CES5A: variants seen among roughly 807,000 people sequenced by gnomAD.
The protein encoded by CES5A is carboxylesterase 5A.
A neutral mutation model predicts 62.9 loss-of-function variants in CES5A; 67 were observed. That is an observed-to-expected ratio of 1.07 (90% CI 0.88 to 1.31). The LOEUF is 1.31. Among genes scored for constraint, CES5A ranks in the 50% most tolerant of loss-of-function variants. The pLI is 0.00. For synonymous variants in CES5A, 296 were observed against 280.8 expected (o/e 1.05, Z -0.54); for missense variants, 748 against 708.5 (o/e 1.06, Z -0.63).
rs1241615771 is a variant in CES5A, at chr16:55,846,182, A to G, written c.*269T>C. 3 of 495,424 alleles carry G rather than the reference A, an allele frequency of 6.1e-6. No individual in the cohort carries two copies. Among genetic ancestry groups the G allele is most frequent in the Non-Finnish European group, 1.1e-5 (3 of 278,468 alleles). 30.7% of individuals were successfully genotyped at this position (495,424 alleles called of 1,614,324 possible). ...ATTTTACATTCTGATTTTATTTCATATGAGTTACAAAACCATTATTATGAC... is the reference window on the plus strand; with the variant it reads ...ATTTTACATTCTGATTTTATTTCATGTGAGTTACAAAACCATTATTATGAC... On this transcript the variant is annotated 3_prime_UTR_variant, in exon 13 of 13. Coordinates refer to ENST00000290567, the MANE Select transcript of CES5A (RefSeq NM_001143685.2).
At chr16:55,846,707 G>A in intron 12 of CES5A, 25 bp from the exon 13 acceptor site, 1 of 1,613,310 alleles carries the variant, frequency 6.2e-7, no homozygotes, top group Non-Finnish European at 8.5e-7. Flanking sequence ...AGAAACAGGG[G>A]TGAGATTTTC....
chr16:55,941,281 C>T (rs564625634), intron 2 of CES5A, among the ~76,000 whole-genome samples: 1 of 152,170 alleles, frequency 6.6e-6, no homozygotes, highest in African/African-American at 2.4e-5. Context: ...AAAACTAATA[C>T]CTGAGTTTAG....
At chr16:55,908,310 G>T (rs559121170) in intron 1 of CES5A, among the ~76,000 whole-genome samples, 3 of 152,156 alleles carry the variant, frequency 2.0e-5, no homozygotes, top group African/African-American at 7.2e-5. Flanking sequence ...CCCACTGCAG[G>T]CTTCTTGTCC....
chr16:55,870,170 T>C (rs1423049211), intron 3 of CES5A, among the ~76,000 whole-genome samples: 14 of 152,070 alleles, frequency 9.2e-5, no homozygotes, highest in African/African-American at 3.4e-4. Flanking sequence ...CACGGGAAGA[T>C]GGAAACCATT....
intron 1 of CES5A, among the ~76,000 whole-genome samples, chr16:55,886,960 A>G (rs1389062184): frequency 1.3e-5 from 2 of 152,134 alleles, no homozygotes; most frequent in Admixed American, 6.5e-5. Flanking sequence ...TGGTCCTACC[A>G]TATGCTGCAT....
intron 1 of CES5A, 86 bp from the exon 2 acceptor site, chr16:55,874,123 T>A: frequency 1.7e-6 from 2 of 1,197,858 alleles, no homozygotes; most frequent in South Asian, 2.7e-5. Flanking sequence ...CCAGTGGGGA[T>A]GTGCTTCCTT....
intron 1 of CES5A, among the ~76,000 whole-genome samples, chr16:55,896,986 T>C (rs766431100): frequency 1.1e-4 from 17 of 152,208 alleles, no homozygotes; most frequent in African/African-American, 4.1e-4. Context: ...TTCACAAATG[T>C]AGATTTTCTG....
chr16:55,869,492 G>A, intron 4 of CES5A, 119 bp downstream of exon 4: 1 of 1,380,076 alleles, frequency 7.2e-7, no homozygotes, highest in Non-Finnish European at 9.5e-7. Flanking sequence ...AGTAATTAGG[G>A]CCAGTTTTGT....
chr16:55,866,512 A>C (rs1261524975), intron 4 of CES5A, among the ~76,000 whole-genome samples: 1 of 151,936 alleles, frequency 6.6e-6, no homozygotes, highest in Non-Finnish European at 1.5e-5. Context: ...ATGAAACTAA[A>C]TTAATAGTAG....
intron 9 of CES5A, 55 bp downstream of exon 9, chr16:55,856,322 G>T (rs2033241945): frequency 1.3e-6 from 2 of 1,528,222 alleles, no homozygotes; most frequent in African/African-American, 1.4e-5. Context: ...GTGACCTAGG[G>T]CTATCTGTTA....
Position 55,910,548 on chromosome 16 carries a change from G to A in CES5A, c.-256+14775C>T, listed in dbSNP as rs111475872. The stretch of plus-strand genomic sequence containing the variant: ...GCTGCTGCTTCTTAGCATTAACCTC[G>A]TCTCCTCAATCACAACGTAAACTCC... On this transcript the variant is annotated intron_variant, in intron 1 of 12. Coordinates refer to the CES5A transcript ENST00000518005. Among the ~76,000 whole-genome samples the A allele has an allele frequency of 5.9e-3, 893 of 152,256 alleles. 2 individuals carry two copies. The highest frequency in any genetic ancestry group is 0.01 in the Middle Eastern group (3 of 294).
At chr16:55,877,522 C>T (rs1224320628), upstream of CES5A, among the ~76,000 whole-genome samples, 1 of 151,692 alleles carries the variant, frequency 6.6e-6, no homozygotes. Context: ...TACTCTTCCA[C>T]AAAATCAGAA....
rs117155912 is a variant in CES5A, at chr16:55,869,410, A to G, written c.551+201T>C. 2.4e-3 allele frequency: 2,436 copies of G among 1,015,656 alleles called. 67 individuals are homozygous for G. In the South Asian group the frequency reaches 0.031, roughly 13 times the overall value. The allele number at this position is 1,015,656 out of a possible 1,614,324, so 62.9% of individuals were successfully genotyped here. On this transcript the variant is annotated intron_variant, in intron 4 of 12. Coordinates refer to ENST00000290567, the MANE Select transcript of CES5A (RefSeq NM_001143685.2). ...TGCTCAATTAAACTTTACCCAAGTGAGAAAGAGATTTTTATTGTTTCAAGC... is the reference window on the plus strand; with the variant it reads ...TGCTCAATTAAACTTTACCCAAGTGGGAAAGAGATTTTTATTGTTTCAAGC...
chr16:55,904,478 C>T (rs1366191783), intron 1 of CES5A, among the ~76,000 whole-genome samples: 1 of 152,182 alleles, frequency 6.6e-6, no homozygotes, highest in South Asian at 2.1e-4. Context: ...AAGCCACCAA[C>T]TATAGATTCA....
chr16:55,922,653 A>G (rs563844757), intron 1 of CES5A, among the ~76,000 whole-genome samples: 54 of 152,078 alleles, frequency 3.6e-4, no homozygotes, highest in Non-Finnish European at 6.2e-4. Flanking sequence ...ACAGAAAATC[A>G]GCAAACACTG....
intron 1 of CES5A, among the ~76,000 whole-genome samples, chr16:55,883,413 A>G (rs1159060405): frequency 6.6e-5 from 10 of 152,164 alleles, no homozygotes; most frequent in Admixed American, 4.6e-4. Flanking sequence ...CTGGGATTAC[A>G]GGCATGCACC....
intron 1 of CES5A, among the ~76,000 whole-genome samples, chr16:55,918,697 G>A (rs2142457045): frequency 6.6e-6 from 1 of 152,298 alleles, no homozygotes; most frequent in Non-Finnish European, 1.5e-5. Context: ...CAAATTGATG[G>A]TAAGAAGGGG....
chr16:55,873,047 G>A (rs1350773443), intron 2 of CES5A, among the ~76,000 whole-genome samples: 1 of 152,144 alleles, frequency 6.6e-6, no homozygotes, highest in Non-Finnish European at 1.5e-5. Context: ...ATCTTCTGTG[G>A]CTTAGGGAAT....
chr16:55,849,567 C>A (rs1449447604), intron 11 of CES5A, 57 bp downstream of exon 11: 5 of 1,581,976 alleles, frequency 3.2e-6, no homozygotes, highest in Non-Finnish European at 4.3e-6. Flanking sequence ...GCGCTTGCAT[C>A]GTGGTGGGGT....
Sources: allele counts gnomAD v4.1 joint callset (sites outside exome capture counted in the v4.1 genomes callset), GRCh38; gene constraint gnomAD v4.1.1; transcripts MANE v1.5; gene names NCBI Gene and HGNC (gene_info 2026-07-23, HGNC 2026-07-21).